Variants in RAI14 observed in about 807,000 individuals in gnomAD.
The protein encoded by RAI14 is retinoic acid induced 14, also known as ankycorbin.
RAI14 carries 45 observed loss-of-function variants against 115.4 expected under a neutral mutation model. That is an observed-to-expected ratio of 0.39 (90% CI 0.31 to 0.50). The LOEUF is 0.50. Ranked by LOEUF, RAI14 falls within the 20% of genes least tolerant of loss-of-function variation. The pLI, the probability that RAI14 is intolerant of heterozygous loss-of-function variation, is 0.85. For synonymous variants in RAI14, 371 were observed against 415.4 expected, an observed-to-expected ratio of 0.89 and a Z score of 1.30; for missense variants, 939 against 1,131.2, an observed-to-expected ratio of 0.83 and a Z score of 2.44.
intron 3 of RAI14, among the ~76,000 whole-genome samples, chr5:34,762,524 A>G (rs1246984931): frequency 6.6e-6 from 1 of 152,150 alleles, no homozygotes; most frequent in Non-Finnish European, 1.5e-5. Context: ...AAGACTGATC[A>G]AAGAGGGGTT....
At chr5:34,746,473 C>T (rs867500786) in intron 2 of RAI14, among the ~76,000 whole-genome samples, 3 of 147,552 alleles carry the variant, frequency 2.0e-5, no homozygotes, top group African/African-American at 7.5e-5. Context: ...GGTGTGATCT[C>T]GGCTCACTGC....
chr5:34,681,464 G>A (rs1170107773), intron 1 of RAI14, among the ~76,000 whole-genome samples: 1 of 152,136 alleles, frequency 6.6e-6, no homozygotes, highest in Non-Finnish European at 1.5e-5. Context: ...TGAGAATTCT[G>A]TAGATGTATT....
At chr5:34,663,050 C>T (rs971719749) in intron 1 of RAI14, among the ~76,000 whole-genome samples, 3 of 152,032 alleles carry the variant, frequency 2.0e-5, no homozygotes, top group Non-Finnish European at 4.4e-5. Context: ...GATATTTCTT[C>T]CCTTTGTAGT....
At chr5:34,666,322 GT>G (rs1743210458) in intron 1 of RAI14, among the ~76,000 whole-genome samples, 1 of 152,056 alleles carries the variant, frequency 6.6e-6, no homozygotes, top group African/African-American at 2.4e-5. Context: ...TAGTCTCACA[GT>G]AGGTGTCCCA....
At chr5:34,726,972 A>G (rs1743549400) in intron 2 of RAI14, among the ~76,000 whole-genome samples, 1 of 152,228 alleles carries the variant, frequency 6.6e-6, no homozygotes. Context: ...AAAGATACCC[A>G]AAAATGTGGA....
intron 2 of RAI14, among the ~76,000 whole-genome samples, chr5:34,726,906 G>A (rs182873605): frequency 6.2e-4 from 94 of 152,246 alleles, no homozygotes; most frequent in African/African-American, 2.1e-3. Flanking sequence ...TTTATTAGCA[G>A]CATAAGAACA....
intron 4 of RAI14, among the ~76,000 whole-genome samples, chr5:34,797,107 C>T (rs914031028): frequency 2.0e-5 from 3 of 152,144 alleles, no homozygotes; most frequent in Non-Finnish European, 2.9e-5. Context: ...CCCAAAAGAC[C>T]AAAGCAACCA....
intron 2 of RAI14, among the ~76,000 whole-genome samples, chr5:34,728,069 A>G (rs1014132359): frequency 3.3e-5 from 5 of 152,206 alleles, no homozygotes; most frequent in Non-Finnish European, 7.3e-5. Flanking sequence ...ACAAGGGATC[A>G]TCTTAAAGAT....
chr5:34,713,102 G>A (rs1298152192), intron 2 of RAI14, among the ~76,000 whole-genome samples: 1 of 152,116 alleles, frequency 6.6e-6, no homozygotes, highest in East Asian at 1.9e-4. Context: ...TAATATTTAG[G>A]ATAGAATCTA....
chr5:34,722,644 G>T (rs918158122), intron 2 of RAI14, among the ~76,000 whole-genome samples: 2 of 152,070 alleles, frequency 1.3e-5, no homozygotes, highest in Non-Finnish European at 2.9e-5. Context: ...TCAGGAGTTC[G>T]GTACCAGCCT....
At chr5:34,707,537 T>C (rs1241862797) in intron 2 of RAI14, among the ~76,000 whole-genome samples, 3 of 152,212 alleles carry the variant, frequency 2.0e-5, no homozygotes, top group Non-Finnish European at 4.4e-5. Context: ...TCTTTCCAAG[T>C]CCCTCTGCTC....
chr5:34,823,421 G>T lies in RAI14; in HGVS notation c.1579G>T (p.Val527Phe). 2 of 1,614,078 alleles carry T rather than the reference G, an allele frequency of 1.2e-6. No individual in the cohort carries two copies. Among genetic ancestry groups the T allele is most frequent in the Non-Finnish European group, 1.7e-6 (2 of 1,179,982 alleles). The part of the protein sequence containing the change: ...DNYSHFHELR[V>F]TEEEINVLKQ... ...TTATTCACATTTCCACGAGCTGAGG[G>T]TCACGGAAGAGGAAATAAATGTGCT... Residue 527 changes from valine (V) to phenylalanine (F), a missense_variant, in exon 15 of 18, where the codon GTC becomes TTC. Physicochemically the swap from Val to Phe is conservative, Grantham distance 50. Transcript: ENST00000265109. The surrounding 1 kb of genome is among the most constrained non-coding windows in gnomAD (Gnocchi z 4.5).
At chr5:34,742,724 T>C (rs772091051) in intron 2 of RAI14, among the ~76,000 whole-genome samples, 1 of 152,126 alleles carries the variant, frequency 6.6e-6, no homozygotes, top group African/African-American at 2.4e-5. Flanking sequence ...AGTGCAGTGG[T>C]GCGATCTCGG....
chr5:34,745,336 G>A (rs959674435), intron 2 of RAI14, among the ~76,000 whole-genome samples: 1 of 152,098 alleles, frequency 6.6e-6, no homozygotes, highest in African/African-American at 2.4e-5. Flanking sequence ...GACATTTGCT[G>A]CTCTTGCTTA....
At chr5:34,657,742 A>G (rs1742392085) in intron 1 of RAI14, among the ~76,000 whole-genome samples, 1 of 152,188 alleles carries the variant, frequency 6.6e-6, no homozygotes, top group Admixed American at 6.5e-5. Context: ...GGAACTGTCC[A>G]TCACTAGGAC....
intron 2 of RAI14, among the ~76,000 whole-genome samples, chr5:34,713,557 T>A (rs1418912114): frequency 6.6e-6 from 1 of 152,224 alleles, no homozygotes; most frequent in Non-Finnish European, 1.5e-5. Context: ...GTTTCTTTTT[T>A]AAAAAAATTT....
intron 2 of RAI14, among the ~76,000 whole-genome samples, chr5:34,745,798 C>T (rs1746101525): frequency 6.6e-6 from 1 of 152,144 alleles, no homozygotes. Context: ...TTTCCTTACT[C>T]ACTTCCCCCC....
intron 2 of RAI14, among the ~76,000 whole-genome samples, chr5:34,723,305 T>A (rs1743034652): frequency 6.6e-6 from 1 of 152,078 alleles, no homozygotes; most frequent in African/African-American, 2.4e-5. Context: ...AATTGGCTCA[T>A]GTGATTGTGG....
chr5:34,772,820 GA>G (rs1750346856), intron 3 of RAI14, among the ~76,000 whole-genome samples: 1 of 152,166 alleles, frequency 6.6e-6, no homozygotes, highest in Non-Finnish European at 1.5e-5. Context: ...AAAAGAAAAT[GA>G]GAGCGAGAGA....
Sources: allele counts gnomAD v4.1 joint callset (sites outside exome capture counted in the v4.1 genomes callset), GRCh38; gene constraint gnomAD v4.1.1; non-coding constraint Gnocchi (gnomAD v3.1); transcripts MANE v1.5; gene names NCBI Gene and HGNC (gene_info 2026-07-23, HGNC 2026-07-21).